The following ATP5MC2 variants were observed in gnomAD, a reference collection of about 807,000 sequenced individuals.
ATP5MC2 encodes the protein ATP synthase F(0) complex subunit C2, mitochondrial.
In ATP5MC2, 11 loss-of-function variants were observed where a neutral mutation model predicts 13.5. That is an observed-to-expected ratio of 0.81 (90% CI 0.51 to 1.35). The LOEUF (loss-of-function observed/expected upper bound fraction) is 1.35. ATP5MC2 is among the 40% of genes most tolerant of loss of function. The probability of loss-of-function intolerance (pLI) is 0.00; values close to 1 mark genes in which losing one functional copy is unlikely to be tolerated. For synonymous variants in ATP5MC2, 64 were observed against 69.7 expected, an observed-to-expected ratio of 0.92 and a Z score of 0.41; for missense variants, 132 against 175.0, an observed-to-expected ratio of 0.75 and a Z score of 1.39.
chr12:53,676,092 C>T (rs1237907965), upstream of ATP5MC2: 1 of 1,614,248 alleles, frequency 6.2e-7, no homozygotes, highest in Non-Finnish European at 8.5e-7. Flanking sequence ...GGCGGAGCAG[C>T]GGGAAGAGCG....
upstream of ATP5MC2, chr12:53,676,945 CCTT>C (rs1281925118): frequency 6.6e-6 from 1 of 152,476 alleles, no homozygotes; most frequent in Non-Finnish European, 1.5e-5. Context: ...TCCTAGGCCT[CCTT>C]GTCTCCCAGA....
intron 2 of ATP5MC2, among the ~76,000 whole-genome samples, chr12:53,671,098 T>C (rs1411819956): frequency 6.6e-6 from 1 of 152,180 alleles, no homozygotes; most frequent in Non-Finnish European, 1.5e-5. Context: ...AGATTCATGC[T>C]CAAAACTCAC....
intron 3 of ATP5MC2, 150 bp downstream of exon 3, chr12:53,669,721 C>A: frequency 1.2e-6 from 1 of 829,208 alleles, no homozygotes; most frequent in Non-Finnish European, 1.9e-6. Flanking sequence ...TATTAAGTGT[C>A]CTCCATCTCC....
At chr12:53,669,537 A>G (rs1341590084) in intron 3 of ATP5MC2, among the ~76,000 whole-genome samples, 196 bp from the exon 4 acceptor site, 1 of 152,220 alleles carries the variant, frequency 6.6e-6, no homozygotes, top group African/African-American at 2.4e-5. Context: ...GGTGTGGTCA[A>G]GAAGTGTAAG....
At chr12:53,667,958 T>TATATATATATATATAC (rs1944973484) in intron 4 of ATP5MC2, among the ~76,000 whole-genome samples, 4 of 14,166 alleles carry the variant, frequency 2.8e-4, no homozygotes, top group African/African-American at 1.3e-3. Context: ...TACACACACA[T>TATATATATATATATAC]ATATATATAT....
upstream of ATP5MC2, among the ~76,000 whole-genome samples, chr12:53,679,496 A>G (rs1945329805): frequency 6.6e-6 from 1 of 152,210 alleles, no homozygotes; most frequent in Admixed American, 6.5e-5. Flanking sequence ...TAGTTGAATA[A>G]CTATGCTAGT....
upstream of ATP5MC2, among the ~76,000 whole-genome samples, chr12:53,678,205 T>C (rs1945317788): frequency 6.6e-6 from 1 of 152,214 alleles, no homozygotes; most frequent in Non-Finnish European, 1.5e-5. Context: ...CTAAATCTAT[T>C]TCCTCCTATG....
rs1459260852 is a variant in ATP5MC2, at chr12:53,669,190, C to T, written c.269G>A (p.Gly90Glu). The change falls in exon 4 of 5, where the codon GGG (glycine) becomes GAG (glutamate). Residue 90 changes from glycine to glutamate, a missense_variant. Physicochemically the swap from Gly to Glu is moderately conservative, Grantham distance 98. Coordinates refer to ENST00000394349, the MANE Select transcript of ATP5MC2 (RefSeq NM_005176.7). ...ATVGVAGSGA[G>E]IGTVFGSLII... Reference sequence around the variant, plus strand: ...GAGGCTCCCAAACACAGTTCCAATCCCAGCCCCAGAACCAGCCACCCCAAC... The same window carrying T: ...GAGGCTCCCAAACACAGTTCCAATCTCAGCCCCAGAACCAGCCACCCCAAC... 1 of 1,613,696 alleles carries T rather than the reference C, an allele frequency of 6.2e-7. No individual in the cohort carries two copies. The highest frequency in any genetic ancestry group is 2.2e-5 in the East Asian group (1 of 44,884).
intron 2 of ATP5MC2, 67 bp from the exon 3 acceptor site, chr12:53,670,015 C>T: frequency 7.1e-7 from 1 of 1,400,100 alleles, no homozygotes; most frequent in South Asian, 1.2e-5. Context: ...AGAACTATGC[C>T]ACGTTGTTAC....
At chr12:53,681,392 G>A (rs1206295045), upstream of ATP5MC2, among the ~76,000 whole-genome samples, 1 of 150,732 alleles carries the variant, frequency 6.6e-6, no homozygotes, top group African/African-American at 2.5e-5. Flanking sequence ...TGGGCATGGT[G>A]GTGGGCACCT....
intron 4 of ATP5MC2, 131 bp from the exon 5 acceptor site, chr12:53,665,559 C>T (rs1202344545): frequency 2.4e-5 from 18 of 756,968 alleles, no homozygotes; most frequent in South Asian, 2.2e-4. Context: ...TTTAGGGTAA[C>T]ACCATCATGC....
intron 2 of ATP5MC2, 96 bp from the exon 3 acceptor site, chr12:53,670,044 C>A (rs1945050370): frequency 8.6e-7 from 1 of 1,159,032 alleles, no homozygotes; most frequent in South Asian, 1.3e-5. Flanking sequence ...ACAAGATTTT[C>A]TTTCCTCTCA....
rs1944889403 is a variant in ATP5MC2, at chr12:53,665,489, T to C, written c.312-61A>G. The C allele has an allele frequency of 1.1e-5, 15 of 1,332,414 alleles. No individual in the cohort carries two copies. The Admixed American group carries it at 1.2e-4, about 11-fold the overall frequency. The allele number at this position is 1,332,414 out of a possible 1,614,324, so 82.5% of individuals were successfully genotyped here. A position where few individuals can be genotyped will look rare whatever the true frequency, so the allele number is the denominator to read the frequency against. On this transcript the variant is annotated intron_variant, in intron 4 of 4. Coordinates refer to ENST00000394349, the MANE Select transcript of ATP5MC2 (RefSeq NM_005176.7). Reference sequence around the variant, plus strand: ...GTTCACACAAAGAAAAGGATAAATATCTAAGATGGGCTCAGGGAGAATCCC... The same window carrying C: ...GTTCACACAAAGAAAAGGATAAATACCTAAGATGGGCTCAGGGAGAATCCC...
rs1294197286 is a variant in ATP5MC2 at position 53,669,128 on chromosome 12, G to A, written c.311+20C>T. On this transcript the variant is annotated intron_variant, in intron 4 of 4. Coordinates refer to ENST00000394349, the MANE Select transcript of ATP5MC2 (RefSeq NM_005176.7). ...TGGAAAGCATATCAGATAACCAGTG[G>A]AGGGTCCAACTTATCTTACCTGGCA... The A allele has an allele frequency of 6.3e-7, 1 of 1,593,482 alleles. No individual in the cohort carries two copies. The highest frequency in any genetic ancestry group is 8.6e-7 in the Non-Finnish European group (1 of 1,168,784).
intron 3 of ATP5MC2, 140 bp from the exon 4 acceptor site, chr12:53,669,481 G>C (rs754377240): frequency 1.4e-6 from 2 of 1,426,524 alleles, no homozygotes; most frequent in Non-Finnish European, 1.8e-6. Flanking sequence ...CTGGCAAGTA[G>C]AACCTTTTAA....
intron 4 of ATP5MC2, among the ~76,000 whole-genome samples, chr12:53,666,655 G>A (rs920277198): frequency 1.2e-4 from 18 of 152,030 alleles, no homozygotes; most frequent in African/African-American, 4.1e-4. Flanking sequence ...AGCTACTTGG[G>A]AGGCTGAGGC....
At chr12:53,680,730 C>CA (rs1217404358), upstream of ATP5MC2, among the ~76,000 whole-genome samples, 1 of 151,918 alleles carries the variant, frequency 6.6e-6, no homozygotes, top group African/African-American at 2.4e-5. Flanking sequence ...TAAAATAATA[C>CA]AAGTAATGTA....
Position 53,667,956 on chromosome 12 carries a change from CATATATATATATATATATATAT to C in ATP5MC2, c.311+1170_311+1191del, listed in dbSNP as rs772110168. Among the ~76,000 whole-genome samples, 216 of 67,360 alleles carry C rather than the reference CATATATATATATATATATATAT, an allele frequency of 3.2e-3. 4 individuals are homozygous for C. Among genetic ancestry groups the C allele is most frequent in the Middle Eastern group, 0.011 (1 of 88 alleles). The allele number at this position is 67,360 out of a possible 152,430, so 44.2% of individuals were successfully genotyped here. A position where few individuals can be genotyped will look rare whatever the true frequency, so the allele number is the denominator to read the frequency against. ...TCTAATACATACATACATACACACA[CATATATATATATATATATATAT>C]ATATATATATATATATAAATTTTTT... On this transcript the variant is annotated intron_variant, in intron 4 of 4. Coordinates refer to ENST00000394349, the MANE Select transcript of ATP5MC2 (RefSeq NM_005176.7).
intron 4 of ATP5MC2, among the ~76,000 whole-genome samples, chr12:53,666,036 G>C (rs1261267438): frequency 6.6e-6 from 1 of 152,198 alleles, no homozygotes; most frequent in African/African-American, 2.4e-5. Context: ...GGCTGGGTGC[G>C]GTGGCTCACA....
Sources: gnomAD v4.1 joint callset for allele counts (sites outside exome capture counted in the v4.1 genomes callset) on GRCh38, gnomAD v4.1.1 for gene constraint, MANE v1.5 for transcripts, NCBI Gene and HGNC (gene_info 2026-07-23, HGNC 2026-07-21) for gene names.